The following GRID2 variants were observed in gnomAD, a reference collection of about 807,000 sequenced individuals.
GRID2 encodes the protein glutamate receptor ionotropic, delta-2.
In GRID2, 33 loss-of-function variants were observed where a neutral mutation model predicts 114.8. That is an observed-to-expected ratio of 0.29 (90% CI 0.22 to 0.38). The LOEUF (loss-of-function observed/expected upper bound fraction) is 0.38, where lower values mean the gene tolerates loss of function less well. GRID2 is among the 10% of genes least tolerant of loss of function. The pLI, the probability that GRID2 is intolerant of heterozygous loss-of-function variation, is 1.00. For missense variants in GRID2, 1,184 were observed against 1,257.7 expected, an observed-to-expected ratio of 0.94 and a Z score of 0.89; for synonymous variants, 505 against 449.9, an observed-to-expected ratio of 1.12 and a Z score of -1.55.
chr4:93,185,990 T>C (rs2149441344), intron 4 of GRID2, among the ~76,000 whole-genome samples: 1 of 152,108 alleles, frequency 6.6e-6, no homozygotes, highest in African/African-American at 2.4e-5. Flanking sequence ...AGTGAGAACA[T>C]GCGGTGTTTG....
intron 2 of GRID2, among the ~76,000 whole-genome samples, chr4:93,079,857 G>A (rs1729696524): frequency 6.6e-6 from 1 of 151,942 alleles, no homozygotes; most frequent in Admixed American, 6.6e-5. Context: ...TTTGATGGCT[G>A]GTGATCAACC....
chr4:92,668,900 G>A (rs1412996964), intron 2 of GRID2, among the ~76,000 whole-genome samples: 1 of 151,802 alleles, frequency 6.6e-6, no homozygotes, highest in East Asian at 1.9e-4. Context: ...AGACATGGTG[G>A]TGACCAAAAG....
At chr4:93,123,772 TGTAA>T (rs1374898116) in intron 4 of GRID2, among the ~76,000 whole-genome samples, 11 of 152,192 alleles carry the variant, frequency 7.2e-5, no homozygotes, top group African/African-American at 1.2e-4. Context: ...ATTGTTCTGC[TGTAA>T]GTGAGAATTC....
chr4:92,819,493 A>T (rs978805271), intron 2 of GRID2, among the ~76,000 whole-genome samples: 1 of 152,160 alleles, frequency 6.6e-6, no homozygotes, highest in Non-Finnish European at 1.5e-5. Flanking sequence ...AGCCTCACTC[A>T]GTAACTATGT....
Position 93,803,559 on chromosome 4 carries a change from TA to T in GRID2, c.222-3151del, listed in dbSNP as rs1212690798. Among the ~76,000 whole-genome samples the T allele has an allele frequency of 2.0e-5, 3 of 151,846 alleles. No individual in the cohort carries two copies. In the East Asian group the frequency reaches 5.8e-4, roughly 29 times the overall value. On this transcript the variant is annotated intron_variant, in intron 1 of 1. Coordinates refer to the GRID2 transcript ENST00000637838. ...CAACATAGTGAAACCGTGTCTCTAC[TA>T]AAAATACAAAAATTAGCCGGGCATG... is the stretch of plus-strand genomic sequence containing the variant.
At chr4:92,520,480 G>C (rs1460233815) in intron 1 of GRID2, among the ~76,000 whole-genome samples, 1 of 151,776 alleles carries the variant, frequency 6.6e-6, no homozygotes, top group Non-Finnish European at 1.5e-5. Flanking sequence ...TGCCAATTTT[G>C]TATTCTCTTT....
intron 1 of GRID2, among the ~76,000 whole-genome samples, chr4:92,499,655 C>G (rs1723572822): frequency 6.6e-6 from 1 of 152,140 alleles, no homozygotes. Context: ...CTCTATAGCC[C>G]AAGCTGGAGT....
At position 93,471,722 on chromosome 4, in the gene GRID2, G is replaced by A. The variant is rs558744069; in HGVS notation, c.1858+15748G>A. 4.4e-4 allele frequency among the ~76,000 whole-genome samples: 10 copies of A among 22,600 alleles called. No homozygotes were observed. The South Asian group carries it at 5.7e-3, about 13-fold the overall frequency. 14.8% of individuals were successfully genotyped at this position (22,600 alleles called of 152,430 possible). A position where few individuals can be genotyped will look rare whatever the true frequency, so the allele number is the denominator to read the frequency against. On this transcript the variant is annotated intron_variant, in intron 11 of 15. Transcript: ENST00000282020. ...AATTTTTTTTTTTTTTTTTGGAGACGGAGTTTTTGCTCTTGTTGCCCAGGC... is the reference window on the plus strand; with the variant it reads ...AATTTTTTTTTTTTTTTTTGGAGACAGAGTTTTTGCTCTTGTTGCCCAGGC...
chr4:92,516,800 G>A (rs529479646), intron 1 of GRID2, among the ~76,000 whole-genome samples: 34 of 151,874 alleles, frequency 2.2e-4, no homozygotes, highest in South Asian at 1.0e-3. Context: ...ACTGGCTCTC[G>A]ACACTCTCAT....
At chr4:92,373,727 C>G (rs1182614909) in intron 1 of GRID2, among the ~76,000 whole-genome samples, 1 of 152,110 alleles carries the variant, frequency 6.6e-6, no homozygotes, top group African/African-American at 2.4e-5. Context: ...TGAATTATAA[C>G]TAATATTTAT....
chr4:93,635,147 C>T (rs1160841969), intron 14 of GRID2, among the ~76,000 whole-genome samples: 3 of 151,928 alleles, frequency 2.0e-5, no homozygotes, highest in Non-Finnish European at 4.4e-5. Flanking sequence ...TCTTCTCTCT[C>T]ACAATACATC....
intron 14 of GRID2, among the ~76,000 whole-genome samples, chr4:93,667,475 C>A (rs917594959): frequency 1.3e-5 from 2 of 151,544 alleles, no homozygotes; most frequent in Admixed American, 6.6e-5. Context: ...ATCTTTACTG[C>A]CTTTGAAAAA....
chr4:93,138,005 C>T (rs994068596), intron 4 of GRID2, among the ~76,000 whole-genome samples: 56 of 118,132 alleles, frequency 4.7e-4, no homozygotes, highest in African/African-American at 1.7e-3. Flanking sequence ...TAGGGCCTAG[C>T]TCTGTCACCC....
intron 2 of GRID2, among the ~76,000 whole-genome samples, chr4:92,652,206 A>T (rs1370199375): frequency 6.6e-6 from 1 of 152,034 alleles, no homozygotes; most frequent in Non-Finnish European, 1.5e-5. Flanking sequence ...GTATTGGATG[A>T]TGCCTGCCCA....
chr4:92,852,267 T>A (rs1743871907), intron 2 of GRID2, among the ~76,000 whole-genome samples: 3 of 151,822 alleles, frequency 2.0e-5, no homozygotes, highest in Non-Finnish European at 2.9e-5. Flanking sequence ...CATCTTTACC[T>A]TTTTTTCTCA....
intron 5 of GRID2, among the ~76,000 whole-genome samples, chr4:93,214,925 G>T (rs1169791582): frequency 1.3e-5 from 2 of 151,940 alleles, no homozygotes; most frequent in Non-Finnish European, 2.9e-5. Context: ...AACTTCTTCA[G>T]AGACTGTTTC....
intron 2 of GRID2, among the ~76,000 whole-genome samples, chr4:92,804,310 G>C (rs1035504187): frequency 6.6e-6 from 1 of 151,880 alleles, no homozygotes; most frequent in African/African-American, 2.4e-5. Flanking sequence ...CATTTCAAAG[G>C]ATGGATATAA....
Position 93,176,223 on chromosome 4 carries a change from AAT to A in GRID2, c.736-31176_736-31175del, listed in dbSNP as rs1436916981. Among the ~76,000 whole-genome samples, 8 of 152,342 alleles carry A rather than the reference AAT, an allele frequency of 5.3e-5. No homozygotes were observed. The East Asian group carries it at 1.5e-3, about 29-fold the overall frequency. ...AAACATTATTAATTAACTTGGAAGA[AAT>A]ATATTCCAAATAAGCTATAGATTGG... On this transcript the variant is annotated intron_variant, in intron 4 of 15. Transcript: ENST00000282020.
chr4:92,398,343 C>T (rs1475305061), intron 1 of GRID2, among the ~76,000 whole-genome samples: 1 of 152,062 alleles, frequency 6.6e-6, no homozygotes, highest in Non-Finnish European at 1.5e-5. Context: ...ACCTGTTGCC[C>T]AGACTGGAGT....
Sources: allele counts gnomAD v4.1 joint callset (sites outside exome capture counted in the v4.1 genomes callset), GRCh38; gene constraint gnomAD v4.1.1; transcripts MANE v1.5; gene names NCBI Gene and HGNC (gene_info 2026-07-23, HGNC 2026-07-21).